SYNJ2: variants seen among roughly 807,000 people sequenced by gnomAD.
SYNJ2 encodes the protein synaptojanin 2.
Under a neutral mutation model 141.3 loss-of-function variants are expected in SYNJ2, and 116 were observed. The ratio of observed to expected loss-of-function variants is 0.82; its 90% CI spans 0.71 to 0.96. SYNJ2 has a LOEUF of 0.96. SYNJ2 is among the 40% of genes least tolerant of loss of function. The pLI is 0.00. For missense variants in SYNJ2, 1,873 were observed against 1,934.8 expected (o/e 0.97, Z 0.60); for synonymous variants, 745 against 777.7 (o/e 0.96, Z 0.70).
intron 3 of SYNJ2, among the ~76,000 whole-genome samples, chr6:158,032,483 C>A (rs1779418382): frequency 6.6e-6 from 1 of 152,178 alleles, no homozygotes; most frequent in African/African-American, 2.4e-5. Flanking sequence ...CACTCAGGTC[C>A]CCTGGGTGCT....
chr6:158,071,500 G>A lies in SYNJ2; in HGVS notation c.1941-102G>A. On this transcript the variant is annotated intron_variant, in intron 14 of 26. Transcript: ENST00000355585. The surrounding 1 kb of genome is among the most constrained non-coding windows in gnomAD (Gnocchi z 4.3). Reference sequence around the variant, plus strand: ...TGAGCTGATGATTTTGGAGCACTCAGAGCAGCAGGTCCCGAGCTGCTGCTG... The same window carrying A: ...TGAGCTGATGATTTTGGAGCACTCAAAGCAGCAGGTCCCGAGCTGCTGCTG... 1 of 1,352,928 alleles carries A rather than the reference G, an allele frequency of 7.4e-7. No homozygotes were observed. The highest frequency in any genetic ancestry group is 1.0e-6 in the Non-Finnish European group (1 of 991,148). 83.8% of individuals were successfully genotyped at this position (1,352,928 alleles called of 1,614,324 possible). A position where few individuals can be genotyped will look rare whatever the true frequency, so the allele number is the denominator to read the frequency against.
chr6:158,098,948 G>A lies in SYNJ2; in HGVS notation c.*2584G>A, dbSNP rs1250575912. The stretch of plus-strand genomic sequence containing the variant: ...TAAGCAATTCCTGTAACGGTTTAAC[G>A]TTGTTGAAGTTCAAGGCACATAATA... On this transcript the variant is annotated 3_prime_UTR_variant, in exon 27 of 27. Coordinates refer to ENST00000355585, the MANE Select transcript of SYNJ2 (RefSeq NM_003898.4). 3 of 152,308 alleles carry A rather than the reference G, an allele frequency of 2.0e-5. No individual in the cohort carries two copies. Among genetic ancestry groups the A allele is most frequent in the Non-Finnish European group, 2.9e-5 (2 of 68,026 alleles). 9.4% of individuals were successfully genotyped at this position (152,308 alleles called of 1,614,324 possible). A position where few individuals can be genotyped will look rare whatever the true frequency, so the allele number is the denominator to read the frequency against.
At chr6:158,061,881 CCTGCG>C in intron 7 of SYNJ2, 106 bp from the exon 8 acceptor site, 1 of 1,100,928 alleles carries the variant, frequency 9.1e-7, no homozygotes, top group Non-Finnish European at 1.3e-6. Context: ...TAAAGCACGT[CCTGCG>C]GCGAGTCACC....
In SYNJ2 at chr6:158,033,465, TTGCACG is replaced by T. The variant is rs1437454815; in HGVS notation, c.500_505del (p.His167_Val168del). ...GACTGTGTTTTGCAGGAACCAGCTG[TTGCACG>T]TGCCCTTGAGGCAGCACCAGGTGAG... On this transcript the variant is annotated inframe_deletion, in exon 4 of 27. Coordinates refer to ENST00000355585, the MANE Select transcript of SYNJ2 (RefSeq NM_003898.4). 1.2e-6 allele frequency: 2 copies of T among 1,614,050 alleles called. No homozygotes were observed. The highest frequency in any genetic ancestry group is 1.7e-6 in the Non-Finnish European group (2 of 1,179,922).
chr6:158,031,410 G>A (rs1455469238), intron 3 of SYNJ2, among the ~76,000 whole-genome samples: 2 of 152,246 alleles, frequency 1.3e-5, no homozygotes, highest in Non-Finnish European at 2.9e-5. Flanking sequence ...TGGAGGCTGA[G>A]AGGAGCTTTG....
chr6:158,046,928 A>G (rs917654545), intron 5 of SYNJ2, among the ~76,000 whole-genome samples: 3 of 151,668 alleles, frequency 2.0e-5, no homozygotes, highest in African/African-American at 7.3e-5. Flanking sequence ...GTGCCTTGCC[A>G]AGGTGAGTTC....
chr6:158,020,724 G>A (rs1236840162), intron 2 of SYNJ2, among the ~76,000 whole-genome samples: 1 of 152,242 alleles, frequency 6.6e-6, no homozygotes, highest in Non-Finnish European at 1.5e-5. Context: ...CCAACTTTCA[G>A]TTGCCACGAA....
chr6:158,073,870 C>A (rs1051398333), intron 15 of SYNJ2, among the ~76,000 whole-genome samples: 2 of 150,910 alleles, frequency 1.3e-5, no homozygotes, highest in African/African-American at 4.9e-5. Flanking sequence ...AGCTGTGTAA[C>A]CTTCAGCAAG....
At chr6:158,035,637 C>T (rs1176350339) in intron 4 of SYNJ2, among the ~76,000 whole-genome samples, 3 of 152,096 alleles carry the variant, frequency 2.0e-5, no homozygotes, top group Non-Finnish European at 4.4e-5. Flanking sequence ...TTGGGATGCC[C>T]TTTATTTCTT....
chr6:158,079,924 G>A (rs3003557), intron 18 of SYNJ2, among the ~76,000 whole-genome samples: 83,657 of 151,908 alleles, frequency 0.55, 23,645 homozygotes, highest in African/African-American at 0.68. Context: ...AAACAAACAT[G>A]TGTGCTATGA....
chr6:158,005,373 G>A (rs537251523), intron 1 of SYNJ2, among the ~76,000 whole-genome samples: 70 of 152,180 alleles, frequency 4.6e-4, no homozygotes, highest in Non-Finnish European at 8.5e-4. Flanking sequence ...CACCACGCCC[G>A]GCCCCCAGTG....
At chr6:158,063,645 G>A in intron 8 of SYNJ2, 146 bp from the exon 9 acceptor site, 1 of 506,718 alleles carries the variant, frequency 2.0e-6, no homozygotes, top group Non-Finnish European at 3.3e-6. Flanking sequence ...GGTGACAGAG[G>A]TGAGACTCTG....
rs1780068340 is a variant in SYNJ2, at chr6:158,043,554, G to T, written c.795+155G>T. ...TGTTGTGTTGAGCTGAGCTATCAAA[G>T]TGTGCACACGTGTGTGCATATGCAT... On this transcript the variant is annotated intron_variant, in intron 5 of 26. Transcript: ENST00000355585. This position sits in a 1 kb window ranked among gnomAD's most constrained non-coding sequence, Gnocchi z 4.0. Among the ~76,000 whole-genome samples the T allele has an allele frequency of 6.6e-6, 1 of 152,210 alleles. No individual in the cohort carries two copies. Among genetic ancestry groups the T allele is most frequent in the African/African-American group, 2.4e-5 (1 of 41,448 alleles).
At position 158,092,961 on chromosome 6, in the gene SYNJ2, A is replaced by G. The variant is rs1192748931; in HGVS notation, c.3601A>G (p.Arg1201Gly). The G allele has an allele frequency of 1.2e-6, 2 of 1,606,546 alleles. No individual in the cohort carries two copies. The change falls in exon 26 of 27, where the codon AGG becomes GGG. Residue 1201 changes from arginine to glycine, a missense_variant. Coordinates refer to ENST00000355585, the MANE Select transcript of SYNJ2 (RefSeq NM_003898.4). ...SEEALSAVAP[R>G]DLEASSEPEP... is the part of the protein sequence containing the mutation. ...AGAAGCCCTAAGTGCCGTGGCCCCA[A>G]GGGACCTTGAAGCATCCTCTGAACC...
intron 4 of SYNJ2, among the ~76,000 whole-genome samples, chr6:158,042,108 G>A (rs188436989): frequency 6.6e-6 from 1 of 152,362 alleles, no homozygotes; most frequent in Non-Finnish European, 1.5e-5. Context: ...TCAGTTGTAT[G>A]TACCTAATTT....
intron 2 of SYNJ2, among the ~76,000 whole-genome samples, chr6:158,024,511 C>T (rs1778934363): frequency 6.6e-6 from 1 of 152,206 alleles, no homozygotes; most frequent in South Asian, 2.1e-4. Context: ...TGCACACATT[C>T]AGCCAATAGC....
At chr6:158,011,067 G>T (rs66584385) in intron 1 of SYNJ2, among the ~76,000 whole-genome samples, 1 of 150,856 alleles carries the variant, frequency 6.6e-6, no homozygotes, top group East Asian at 2.0e-4. Flanking sequence ...AATGGTGGGG[G>T]GACACGTGAG....
intron 1 of SYNJ2, among the ~76,000 whole-genome samples, chr6:158,001,973 C>T (rs551886450): frequency 1.3e-5 from 2 of 152,290 alleles, no homozygotes; most frequent in African/African-American, 4.8e-5. Flanking sequence ...CACACCTTCC[C>T]TCTTCCCAGT....
intron 20 of SYNJ2, 24 bp downstream of exon 20, chr6:158,081,534 T>C (rs1782682393): frequency 6.3e-7 from 1 of 1,582,016 alleles, no homozygotes; most frequent in Non-Finnish European, 8.6e-7. Flanking sequence ...GGCCACACTG[T>C]GGAGTGGGGT....
Sources: gnomAD v4.1 joint callset for allele counts (sites outside exome capture counted in the v4.1 genomes callset) on GRCh38, gnomAD v4.1.1 for gene constraint, Gnocchi (gnomAD v3.1) non-coding constraint, MANE v1.5 for transcripts, NCBI Gene and HGNC (gene_info 2026-07-23, HGNC 2026-07-21) for gene names.